UBAC2: variants seen among roughly 807,000 people sequenced by gnomAD.
UBAC2 encodes the protein ubiquitin-associated domain-containing protein 2.
In UBAC2, 26 loss-of-function variants were observed where a neutral mutation model predicts 44.0. The ratio of observed to expected loss-of-function variants is 0.59; its 90% CI spans 0.43 to 0.82. The LOEUF is 0.82. Among genes scored for constraint, UBAC2 ranks in the 40% least tolerant of loss-of-function variants. The pLI is 0.00. For missense variants in UBAC2, 329 were observed against 419.4 expected (o/e 0.78, Z 1.88); for synonymous variants, 155 against 154.3 (o/e 1.00, Z -0.04).
chr13:99,270,836 C>A (rs2043806038), intron 4 of UBAC2, among the ~76,000 whole-genome samples: 1 of 152,164 alleles, frequency 6.6e-6, no homozygotes, highest in African/African-American at 2.4e-5. Flanking sequence ...GAAAGAATTT[C>A]CAAAGTGAGG....
chr13:99,340,594 T>C lies in UBAC2; in HGVS notation c.807+29T>C, dbSNP rs777948575. 3.8e-6 allele frequency: 6 copies of C among 1,595,486 alleles called. No homozygotes were observed. The East Asian group carries it at 1.1e-4, about 30-fold the overall frequency. On this transcript the variant is annotated intron_variant, in intron 7 of 8. Transcript: ENST00000403766. ...AAAGTGATAATAATCACTAAAAATT[T>C]AGAAATTCTCAGTGGCCCAAGCAAA...
intron 1 of UBAC2, among the ~76,000 whole-genome samples, chr13:99,236,446 C>T (rs748573755): frequency 1.3e-5 from 2 of 152,176 alleles, no homozygotes; most frequent in Non-Finnish European, 2.9e-5. Flanking sequence ...AAATGGCCAA[C>T]AGGCATATGA....
Position 99,201,500 on chromosome 13 carries a change from G to T in UBAC2, c.31+561G>T, listed in dbSNP as rs756114358. 2.2e-5 allele frequency: 36 copies of T among 1,614,104 alleles called. No homozygotes were observed. In the Admixed American group the frequency reaches 5.7e-4, roughly 25 times the overall value. On this transcript the variant is annotated intron_variant, in intron 1 of 8. Coordinates refer to ENST00000403766, the MANE Select transcript of UBAC2 (RefSeq NM_001144072.2). Reference sequence around the variant, plus strand: ...TCAAGTGGAGGGAAGTTAGGAAGTCGTGGCGAGGGAGCGCAGCTGTGCTGC... The same window carrying T: ...TCAAGTGGAGGGAAGTTAGGAAGTCTTGGCGAGGGAGCGCAGCTGTGCTGC...
chr13:99,312,314 A>G (rs2044422574), intron 4 of UBAC2, among the ~76,000 whole-genome samples: 1 of 152,232 alleles, frequency 6.6e-6, no homozygotes, highest in East Asian at 1.9e-4. Flanking sequence ...TGATAATGAA[A>G]TAATTCTTTT....
intron 1 of UBAC2, chr13:99,215,859 C>T (rs2042988020): frequency 2.0e-6 from 1 of 495,164 alleles, no homozygotes; most frequent in Non-Finnish European, 3.6e-6. Flanking sequence ...ATTCAAACTG[C>T]CCTTTTCAGT....
chr13:99,314,095 A>T lies in UBAC2; in HGVS notation c.390-2A>T. 6.3e-7 allele frequency: 1 copy of T among 1,595,738 alleles called. No individual in the cohort carries two copies. Among genetic ancestry groups the T allele is most frequent in the Non-Finnish European group, 8.5e-7 (1 of 1,174,150 alleles). On this transcript the variant is annotated splice_acceptor_variant, in intron 4 of 8. Transcript: ENST00000403766. LOFTEE classifies it high-confidence loss of function. ...GTGATTTTTTTTTATTTGTTTGCAT[A>T]GCCTGGCACCTGTGTTTGCTCTGTT...
intron 4 of UBAC2, among the ~76,000 whole-genome samples, chr13:99,249,008 G>A (rs1249912165): frequency 6.6e-6 from 1 of 152,182 alleles, no homozygotes; most frequent in Non-Finnish European, 1.5e-5. Context: ...AGGTCACTGA[G>A]TCTTAGTTTT....
intron 4 of UBAC2, among the ~76,000 whole-genome samples, chr13:99,267,684 T>C (rs886740419): frequency 6.6e-6 from 1 of 152,230 alleles, no homozygotes; most frequent in African/African-American, 2.4e-5. Context: ...TCATTTGAAA[T>C]TGAAAGAGTA....
At chr13:99,374,129 G>C (rs549311708) in intron 8 of UBAC2, among the ~76,000 whole-genome samples, 1 of 152,168 alleles carries the variant, frequency 6.6e-6, no homozygotes, top group Non-Finnish European at 1.5e-5. Context: ...GTGAGCTCCC[G>C]CCAGGCAGTA....
At chr13:99,290,618 A>G (rs1170436836) in intron 4 of UBAC2, among the ~76,000 whole-genome samples, 2 of 151,578 alleles carry the variant, frequency 1.3e-5, no homozygotes, top group Non-Finnish European at 2.9e-5. Flanking sequence ...CCAGCTGCTC[A>G]GGAGGCTGAG....
chr13:99,306,862 TCTA>T (rs2044344495), intron 4 of UBAC2, among the ~76,000 whole-genome samples: 1 of 152,284 alleles, frequency 6.6e-6, no homozygotes, highest in South Asian at 2.1e-4. Flanking sequence ...CCGTTTTATA[TCTA>T]AAGCTTTAGA....
intron 4 of UBAC2, among the ~76,000 whole-genome samples, chr13:99,281,988 G>T (rs2043960334): frequency 6.6e-6 from 1 of 152,190 alleles, no homozygotes; most frequent in African/African-American, 2.4e-5. Context: ...AAGTGATTTT[G>T]TATTTGAACA....
At chr13:99,244,681 GTTATTA>G (rs888838446) in intron 4 of UBAC2, 57 bp downstream of exon 4, 33 of 1,014,952 alleles carry the variant, frequency 3.3e-5, no homozygotes, top group Non-Finnish European at 4.0e-5. Context: ...GATTTAAAGT[GTTATTA>G]TTATTATGTG....
intron 6 of UBAC2, among the ~76,000 whole-genome samples, chr13:99,324,463 T>G (rs979757411): frequency 2.6e-5 from 4 of 152,126 alleles, no homozygotes; most frequent in African/African-American, 9.7e-5. Flanking sequence ...AATGAAGAAG[T>G]CAAATGGAGC....
intron 5 of UBAC2, among the ~76,000 whole-genome samples, chr13:99,315,786 C>G (rs1440531475): frequency 2.6e-5 from 4 of 151,876 alleles, no homozygotes; most frequent in African/African-American, 9.7e-5. Flanking sequence ...ATTCATTTTT[C>G]TGAGATTGTA....
At chr13:99,290,073 A>G (rs567514590) in intron 4 of UBAC2, among the ~76,000 whole-genome samples, 1 of 151,906 alleles carries the variant, frequency 6.6e-6, no homozygotes, top group African/African-American at 2.4e-5. Context: ...AGTGCAGACC[A>G]TGGAGCCAGA....
In UBAC2 at chr13:99,273,835, C is replaced by T. The variant is rs553637179; in HGVS notation, c.389+29211C>T. On this transcript the variant is annotated intron_variant, in intron 4 of 8. Coordinates refer to ENST00000403766, the MANE Select transcript of UBAC2 (RefSeq NM_001144072.2). ...CTGGAAATCCTATTACCTAGATGTT[C>T]AGTCTCCTGGACAGGTCCAGTTTTC... 2.7e-5 allele frequency among the ~76,000 whole-genome samples: 4 copies of T among 150,120 alleles called. No individual in the cohort carries two copies. In the East Asian group the frequency reaches 7.8e-4, roughly 29 times the overall value.
chr13:99,343,603 T>C (rs1054660183), intron 7 of UBAC2, among the ~76,000 whole-genome samples: 1 of 152,248 alleles, frequency 6.6e-6, no homozygotes, highest in African/African-American at 2.4e-5. Context: ...CCCTGGGCTC[T>C]TGCTGGGCTT....
chr13:99,322,513 C>T (rs2044581556), intron 6 of UBAC2, among the ~76,000 whole-genome samples: 1 of 152,182 alleles, frequency 6.6e-6, no homozygotes, highest in Non-Finnish European at 1.5e-5. Flanking sequence ...TTTATCTTTA[C>T]TTGACCCTCT....
Sources: gnomAD v4.1 joint callset for allele counts (sites outside exome capture counted in the v4.1 genomes callset) on GRCh38, gnomAD v4.1.1 for gene constraint, MANE v1.5 for transcripts, NCBI Gene and HGNC (gene_info 2026-07-23, HGNC 2026-07-21) for gene names.